The following FAM107B variants were observed in gnomAD, a reference collection of about 807,000 sequenced individuals.
FAM107B encodes the protein protein FAM107B.
FAM107B carries 21 observed loss-of-function variants against 31.5 expected under a neutral mutation model. That is an observed-to-expected ratio of 0.67 (90% CI 0.47 to 0.96). The LOEUF (loss-of-function observed/expected upper bound fraction) is 0.96. FAM107B is among the 40% of genes least tolerant of loss of function. FAM107B has a pLI of 0.00. For synonymous variants in FAM107B, 157 were observed against 141.5 expected, an observed-to-expected ratio of 1.11 and a Z score of -0.78; for missense variants, 452 against 377.1, an observed-to-expected ratio of 1.20 and a Z score of -1.64.
chr10:14,725,567 T>C (rs1856012344), intron 1 of FAM107B, among the ~76,000 whole-genome samples: 1 of 152,062 alleles, frequency 6.6e-6, no homozygotes, highest in South Asian at 2.1e-4. Context: ...CACATGGCTG[T>C]CTTCTGATTG....
intron 2 of FAM107B, among the ~76,000 whole-genome samples, chr10:14,535,357 G>A (rs1024137232): frequency 1.3e-5 from 2 of 152,134 alleles, no homozygotes; most frequent in East Asian, 3.9e-4. Context: ...TCTAATCCCT[G>A]GCACAAACAT....
intron 2 of FAM107B, chr10:14,604,316 T>A (rs1852515211): frequency 1.0e-6 from 1 of 960,558 alleles, no homozygotes; most frequent in African/African-American, 1.8e-5. Flanking sequence ...GCGGCCCGAC[T>A]GCTCGGCGGC....
intron 1 of FAM107B, among the ~76,000 whole-genome samples, chr10:14,694,390 C>T (rs1457235568): frequency 6.6e-6 from 1 of 152,082 alleles, no homozygotes; most frequent in Non-Finnish European, 1.5e-5. Flanking sequence ...TTATGTTTTG[C>T]CTTTTTTTCT....
At position 14,667,670 on chromosome 10, in the gene FAM107B, G is replaced by T. The variant is rs1464277760; in HGVS notation, c.433C>A (p.Pro145Thr). The change falls in exon 2 of 5, where the codon CCT becomes ACT. Residue 145 changes from proline to threonine, a missense_variant. Coordinates refer to ENST00000181796, the MANE Select transcript of FAM107B (RefSeq NM_031453.4). ...TTCTGCTCCAGCTCGAGGCATTTAG[G>T]TTCTTCTCGAAATTCTTCTTCCTAA... is the stretch of plus-strand genomic sequence containing the variant. ...TPKEEEFREE[P>T]KCLELEQKMT... 1 of 1,614,132 alleles carries T rather than the reference G, an allele frequency of 6.2e-7. No individual in the cohort carries two copies.
At position 14,520,153 on chromosome 10, in the gene FAM107B, T is replaced by C. The variant is rs1185235521; in HGVS notation, c.*1037A>G. On this transcript the variant is annotated 3_prime_UTR_variant, in exon 5 of 5. Transcript: ENST00000181796. The stretch of plus-strand genomic sequence containing the variant: ...TAATCAGAAATTTTCAAAGCTTGGA[T>C]TCTAATGATATGCATTATCATTAGA... 2.0e-5 allele frequency: 3 copies of C among 152,528 alleles called. No individual in the cohort carries two copies. The highest frequency in any genetic ancestry group is 4.4e-5 in the Non-Finnish European group (3 of 68,040). The allele number at this position is 152,528 out of a possible 1,614,324, so 9.4% of individuals were successfully genotyped here.
intron 3 of FAM107B, among the ~76,000 whole-genome samples, chr10:14,528,694 G>A (rs919582046): frequency 1.3e-5 from 2 of 152,068 alleles, no homozygotes; most frequent in Non-Finnish European, 2.9e-5. Flanking sequence ...CAGGTTAGTT[G>A]AGCTGGGCAA....
At chr10:14,690,028 AGGGAGGG>A (rs1855093130) in intron 1 of FAM107B, among the ~76,000 whole-genome samples, 1 of 57,808 alleles carries the variant, frequency 1.7e-5, no homozygotes, top group Non-Finnish European at 3.1e-5. Flanking sequence ...GAAGGAAGGG[AGGGAGGG>A]AGGGAGGGAG....
intron 2 of FAM107B, chr10:14,556,378 T>G: frequency 1.0e-6 from 1 of 985,490 alleles, no homozygotes; most frequent in Non-Finnish European, 1.2e-6. Context: ...GTTTCTGGAC[T>G]GTTCAGGGCT....
chr10:14,585,474 G>A (rs1176759455), intron 2 of FAM107B, among the ~76,000 whole-genome samples: 1 of 152,132 alleles, frequency 6.6e-6, no homozygotes, highest in Non-Finnish European at 1.5e-5. Flanking sequence ...GTGAAGCCAC[G>A]GACCCTGGGG....
At chr10:14,595,422 CTTTTTT>C (rs35540585) in intron 2 of FAM107B, among the ~76,000 whole-genome samples, 2 of 98,164 alleles carry the variant, frequency 2.0e-5, no homozygotes, top group African/African-American at 7.3e-5. Flanking sequence ...CTAGGGCAAC[CTTTTTT>C]TTTTTTTTTT....
intron 2 of FAM107B, among the ~76,000 whole-genome samples, chr10:14,636,227 T>C (rs1414559700): frequency 6.8e-6 from 1 of 146,250 alleles, no homozygotes; most frequent in Non-Finnish European, 1.5e-5. Context: ...AGGATGGATA[T>C]GCACTCAGGA....
chr10:14,704,269 CTGTG>C (rs113899632), intron 1 of FAM107B, among the ~76,000 whole-genome samples: 72 of 148,230 alleles, frequency 4.9e-4, no homozygotes, highest in African/African-American at 1.3e-3. Context: ...GTAAATTGCT[CTGTG>C]TGTGTGTGTG....
intron 1 of FAM107B, among the ~76,000 whole-genome samples, chr10:14,758,931 C>A (rs1832984028): frequency 6.9e-6 from 1 of 145,192 alleles, no homozygotes; most frequent in Non-Finnish European, 1.5e-5. Context: ...GTAATCCCAG[C>A]ACTTTGGGAG....
intron 2 of FAM107B, among the ~76,000 whole-genome samples, chr10:14,605,375 G>T (rs1852562710): frequency 6.6e-6 from 1 of 152,106 alleles, no homozygotes; most frequent in South Asian, 2.1e-4. Context: ...AACAGTTATC[G>T]GTTTCAGCGT....
intron 2 of FAM107B, among the ~76,000 whole-genome samples, chr10:14,627,214 A>C (rs1202106581): frequency 6.6e-6 from 1 of 152,228 alleles, no homozygotes; most frequent in Non-Finnish European, 1.5e-5. Flanking sequence ...AAATTTCCTA[A>C]ATAGATGTTA....
intron 2 of FAM107B, among the ~76,000 whole-genome samples, 186 bp downstream of exon 2, chr10:14,667,448 T>A (rs768391024): frequency 6.6e-6 from 1 of 152,256 alleles, no homozygotes; most frequent in African/African-American, 2.4e-5. Context: ...CGAGCTATTT[T>A]CTGCATCACA....
At chr10:14,674,280 G>A (rs11259259) in intron 1 of FAM107B, among the ~76,000 whole-genome samples, 23,867 of 152,154 alleles carry the variant, frequency 0.16, 2,257 homozygotes, top group South Asian at 0.3. Context: ...CTCCTGCACA[G>A]CAAAGGAAAC....
At chr10:14,753,798 A>G (rs1442434841) in intron 1 of FAM107B, among the ~76,000 whole-genome samples, 2 of 152,194 alleles carry the variant, frequency 1.3e-5, no homozygotes, top group Non-Finnish European at 2.9e-5. Flanking sequence ...TTTAGTAACC[A>G]GAGAAAGTAT....
At chr10:14,679,429 CA>C (rs58177871) in intron 1 of FAM107B, among the ~76,000 whole-genome samples, 9 of 151,304 alleles carry the variant, frequency 5.9e-5, no homozygotes, top group African/African-American at 1.9e-4. Context: ...CTGGACCTGG[CA>C]AAAAAAAGTT....
Sources: allele counts gnomAD v4.1 joint callset (sites outside exome capture counted in the v4.1 genomes callset), GRCh38; gene constraint gnomAD v4.1.1; transcripts MANE v1.5; gene names NCBI Gene and HGNC (gene_info 2026-07-23, HGNC 2026-07-21).